The following DOCK4 variants were observed in gnomAD, a reference collection of about 807,000 sequenced individuals.
DOCK4 encodes the protein dedicator of cytokinesis protein 4.
In DOCK4, 97 loss-of-function variants were observed where a neutral mutation model predicts 268.1. The observed-to-expected ratio is 0.36, with a 90% CI of 0.31 to 0.43. The LOEUF is 0.43. DOCK4 is among the 20% of genes least tolerant of loss of function. The pLI, the probability that DOCK4 is intolerant of heterozygous loss-of-function variation, is 1.00. For missense variants in DOCK4, 2,145 were observed against 2,455.7 expected, an observed-to-expected ratio of 0.87 and a Z score of 2.67; for synonymous variants, 954 against 887.2, an observed-to-expected ratio of 1.08 and a Z score of -1.34.
rs1440558527 is a variant in DOCK4 at position 112,000,636 on chromosome 7, T to C, written c.122-102A>G. 4 of 860,400 alleles carry C rather than the reference T, an allele frequency of 4.6e-6. No individual in the cohort carries two copies. The Admixed American group carries it at 8.9e-5, about 19-fold the overall frequency. 53.3% of individuals were successfully genotyped at this position (860,400 alleles called of 1,614,324 possible). A position where few individuals can be genotyped will look rare whatever the true frequency, so the allele number is the denominator to read the frequency against. The stretch of plus-strand genomic sequence containing the variant: ...TTTGCCGATGGAATTTTACCATACA[T>C]GAAAAGATTCTATGGATAAATATGG... On this transcript the variant is annotated intron_variant, in intron 2 of 52. Transcript: ENST00000428084.
chr7:111,991,280 C>T (rs749884534), intron 5 of DOCK4, among the ~76,000 whole-genome samples: 1 of 152,196 alleles, frequency 6.6e-6, no homozygotes, highest in South Asian at 2.1e-4. Flanking sequence ...AGAATGCTGA[C>T]ATACTGCAGG....
intron 30 of DOCK4, among the ~76,000 whole-genome samples, chr7:111,792,377 T>TTTGTTG (rs1054723271): frequency 4.0e-5 from 6 of 151,882 alleles, no homozygotes; most frequent in African/African-American, 1.2e-4. Flanking sequence ...TTAGAGGGTT[T>TTTGTTG]TTGTTGTTGT....
Position 111,778,429 on chromosome 7 carries a change from C to T in DOCK4, c.3586-60G>A, listed in dbSNP as rs1798587990. 5 of 1,062,976 alleles carry T rather than the reference C, an allele frequency of 4.7e-6. No homozygotes were observed. The African/African-American group carries it at 6.4e-5, about 14-fold the overall frequency. 65.8% of individuals were successfully genotyped at this position (1,062,976 alleles called of 1,614,324 possible). On this transcript the variant is annotated intron_variant, in intron 35 of 52. Transcript: ENST00000428084. ...CAACAATCTGGCCTACAATTATCTG[C>T]CTTTTACTCTGCTAAAGTTCCATGT...
rs113327163 is a variant in DOCK4, at chr7:111,909,641, C to T, written c.1192+6138G>A. Among the ~76,000 whole-genome samples, 11 of 152,260 alleles carry T rather than the reference C, an allele frequency of 7.2e-5. 2 individuals are homozygous for T. Among genetic ancestry groups the T allele is most frequent in the African/African-American group, 2.6e-4 (11 of 41,556 alleles). ...TTAAAACTGGTCCCCAAATCTCAAC[C>T]CTATCACTCCAGTGTTTTCACTTAA... On this transcript the variant is annotated intron_variant, in intron 13 of 52. Coordinates refer to ENST00000428084, the MANE Select transcript of DOCK4 (RefSeq NM_001363540.2).
chr7:111,988,374 G>A (rs1283835328), intron 6 of DOCK4, among the ~76,000 whole-genome samples: 3 of 152,080 alleles, frequency 2.0e-5, no homozygotes, highest in African/African-American at 4.8e-5. Context: ...TATCAGCCTC[G>A]GTCAGAGCTT....
intron 1 of DOCK4, among the ~76,000 whole-genome samples, chr7:112,083,177 CA>C (rs1431876756): frequency 3.3e-5 from 5 of 152,064 alleles, no homozygotes; most frequent in African/African-American, 9.6e-5. Context: ...GTAGTTTAGG[CA>C]GATTAATTAT....
chr7:112,108,555 G>A (rs190944944), intron 1 of DOCK4, among the ~76,000 whole-genome samples: 3 of 152,182 alleles, frequency 2.0e-5, no homozygotes, highest in Non-Finnish European at 4.4e-5. Context: ...CACCCTGCTG[G>A]CAATAAGACA....
At chr7:111,750,039 A>G (rs1019633799) in intron 42 of DOCK4, among the ~76,000 whole-genome samples, 1 of 152,212 alleles carries the variant, frequency 6.6e-6, no homozygotes, top group African/African-American at 2.4e-5. Context: ...ACTTTCCTCT[A>G]TCCTTCAGAT....
chr7:112,082,386 G>A (rs941919460), intron 1 of DOCK4, among the ~76,000 whole-genome samples: 4 of 152,108 alleles, frequency 2.6e-5, no homozygotes, highest in Admixed American at 2.0e-4. Context: ...AATTTCACAG[G>A]AAAGCCAGAG....
chr7:112,066,792 C>A (rs1432917769), intron 1 of DOCK4, among the ~76,000 whole-genome samples: 1 of 140,200 alleles, frequency 7.1e-6, no homozygotes, highest in East Asian at 2.1e-4. Flanking sequence ...ATATTGGTCA[C>A]CTGCAAGTGG....
At chr7:111,910,718 A>G (rs901886132) in intron 13 of DOCK4, among the ~76,000 whole-genome samples, 3 of 152,176 alleles carry the variant, frequency 2.0e-5, no homozygotes, top group Admixed American at 6.5e-5. Flanking sequence ...CCTCCCTCTC[A>G]TAGCCCAGAC....
At chr7:112,006,711 T>A (rs551513809) in intron 1 of DOCK4, among the ~76,000 whole-genome samples, 3 of 152,328 alleles carry the variant, frequency 2.0e-5, no homozygotes, top group South Asian at 4.1e-4. Context: ...AGCAGTGACA[T>A]GGCATAGTAC....
At chr7:111,803,175 A>G (rs1043322387) in intron 30 of DOCK4, among the ~76,000 whole-genome samples, 2 of 152,210 alleles carry the variant, frequency 1.3e-5, no homozygotes, top group East Asian at 3.8e-4. Context: ...AAGGTCAGAG[A>G]AGCCACACCT....
intron 1 of DOCK4, among the ~76,000 whole-genome samples, chr7:112,141,427 T>C (rs1178515399): frequency 6.6e-6 from 1 of 152,094 alleles, no homozygotes; most frequent in African/African-American, 2.4e-5. Context: ...ACACTGACAA[T>C]CAGCTGACTT....
intron 1 of DOCK4, among the ~76,000 whole-genome samples, chr7:112,054,830 G>T (rs370278145): frequency 3.3e-5 from 5 of 152,156 alleles, no homozygotes; most frequent in South Asian, 2.1e-4. Context: ...CTTATTCCAA[G>T]AAGGATTAAA....
At chr7:111,908,826 C>T (rs1215870431) in intron 13 of DOCK4, among the ~76,000 whole-genome samples, 1 of 152,104 alleles carries the variant, frequency 6.6e-6, no homozygotes, top group Non-Finnish European at 1.5e-5. Flanking sequence ...ATGATGGCTT[C>T]TAGCTTCATC....
rs1321032327 is a variant in DOCK4 at position 111,989,745 on chromosome 7, A to C, written c.316-582T>G. Among the ~76,000 whole-genome samples the C allele has an allele frequency of 2.6e-5, 4 of 152,244 alleles. No individual in the cohort carries two copies. In the East Asian group the frequency reaches 7.7e-4, roughly 29 times the overall value. ...ATGCTTTCTTCCTTACTTTTAAAAC[A>C]ATCATGGAGATTCAAGATAATCTCC... On this transcript the variant is annotated intron_variant, in intron 5 of 52. Transcript: ENST00000428084.
rs182745397 is a variant in DOCK4 at position 111,810,809 on chromosome 7, G to A, written c.3006+1065C>T. ...GTCAGGAGTTCAAGGCCAGCCTGGC[G>A]AACATGGCAAAACCCCATACTACTA... On this transcript the variant is annotated intron_variant, in intron 28 of 52. Coordinates refer to ENST00000428084, the MANE Select transcript of DOCK4 (RefSeq NM_001363540.2). Among the ~76,000 whole-genome samples the A allele has an allele frequency of 6.5e-4, 99 of 151,902 alleles. 1 individual carries two copies. The East Asian group carries it at 0.014, about 22-fold the overall frequency.
At chr7:111,955,068 T>G (rs1297522969) in intron 8 of DOCK4, among the ~76,000 whole-genome samples, 1 of 152,222 alleles carries the variant, frequency 6.6e-6, no homozygotes, top group Non-Finnish European at 1.5e-5. Flanking sequence ...GATAGTCATG[T>G]ATACCAGAAA....
Sources: allele counts gnomAD v4.1 joint callset (sites outside exome capture counted in the v4.1 genomes callset), GRCh38; gene constraint gnomAD v4.1.1; transcripts MANE v1.5; gene names NCBI Gene and HGNC (gene_info 2026-07-23, HGNC 2026-07-21).